Variants in CNTNAP2 observed in about 807,000 individuals in gnomAD.
CNTNAP2 encodes contactin-associated protein-like 2.
A neutral mutation model predicts 155.2 loss-of-function variants in CNTNAP2; 98 were observed. That is an observed-to-expected ratio of 0.63 (90% CI 0.54 to 0.75). The LOEUF is 0.75. Ranked by LOEUF, CNTNAP2 falls within the 30% of genes least tolerant of loss-of-function variation. The probability of loss-of-function intolerance (pLI) is 0.00; values close to 1 mark genes in which losing one functional copy is unlikely to be tolerated. For synonymous variants in CNTNAP2, 651 were observed against 631.2 expected (o/e 1.03, Z -0.47); for missense variants, 1,727 against 1,688.1 (o/e 1.02, Z -0.40).
chr7:147,862,155 T>C (rs375477064), intron 13 of CNTNAP2, among the ~76,000 whole-genome samples: 65 of 152,288 alleles, frequency 4.3e-4, no homozygotes, highest in Middle Eastern at 3.4e-3. Context: ...CCACATCCTT[T>C]TGGCCTGTCC....
At chr7:146,330,197 T>C (rs1208329298) in intron 1 of CNTNAP2, among the ~76,000 whole-genome samples, 1 of 151,928 alleles carries the variant, frequency 6.6e-6, no homozygotes, top group Non-Finnish European at 1.5e-5. Flanking sequence ...TAATTTTGTA[T>C]TTTTAGTAGA....
At chr7:147,213,583 T>A (rs1044978387) in intron 8 of CNTNAP2, among the ~76,000 whole-genome samples, 1 of 150,284 alleles carries the variant, frequency 6.7e-6, no homozygotes, top group African/African-American at 2.5e-5. Context: ...AAAAAAAAAA[T>A]AACATTGTAT....
At chr7:147,087,757 A>G (rs1173042596) in intron 4 of CNTNAP2, among the ~76,000 whole-genome samples, 1 of 152,102 alleles carries the variant, frequency 6.6e-6, no homozygotes, top group Non-Finnish European at 1.5e-5. Flanking sequence ...TAGGTGGATC[A>G]TATGAGGTCA....
At chr7:148,415,050 G>A in intron 23 of CNTNAP2, 1 of 386,456 alleles carries the variant, frequency 2.6e-6, no homozygotes, top group Non-Finnish European at 4.9e-6. Context: ...TCCCTACACT[G>A]CTGTCCAAAA....
intron 8 of CNTNAP2, among the ~76,000 whole-genome samples, chr7:147,291,668 T>A (rs1242147915): frequency 6.6e-6 from 1 of 152,172 alleles, no homozygotes; most frequent in Non-Finnish European, 1.5e-5. Context: ...AGGGGGATTG[T>A]TGGGTCATAG....
intron 8 of CNTNAP2, among the ~76,000 whole-genome samples, chr7:147,251,774 G>A (rs868368878): frequency 1.3e-5 from 2 of 152,160 alleles, no homozygotes; most frequent in South Asian, 2.1e-4. Context: ...AACCTACTGT[G>A]AACAGAAAAA....
chr7:147,801,780 C>G (rs541903853), intron 13 of CNTNAP2, among the ~76,000 whole-genome samples: 1 of 152,240 alleles, frequency 6.6e-6, no homozygotes, highest in African/African-American at 2.4e-5. Flanking sequence ...ACCCTTCCCC[C>G]CTTTCCATTC....
rs71527812 is a variant in CNTNAP2 at position 147,469,506 on chromosome 7, A to ATTTTTTTTTTTTTTTTTTTTTTTTTTTT, written c.1671-16403_1671-16402insTTTTTTTTTTTTTTTTTTTTTTTTTTTT. On this transcript the variant is annotated intron_variant, in intron 10 of 23. Coordinates refer to ENST00000361727, the MANE Select transcript of CNTNAP2 (RefSeq NM_014141.6). ...CAGAGCACCAGGATGTCAGGCTGCA[A>ATTTTTTTTTTTTTTTTTTTTTTTTTTTT]TTTTTTTTTTTTTTTTTTTTTTTTT... Among the ~76,000 whole-genome samples the ATTTTTTTTTTTTTTTTTTTTTTTTTTTT allele has an allele frequency of 5.1e-4, 40 of 79,124 alleles. 15 individuals carry two copies. Among genetic ancestry groups the ATTTTTTTTTTTTTTTTTTTTTTTTTTTT allele is most frequent in the Non-Finnish European group, 7.8e-4 (33 of 42,350 alleles). 51.9% of individuals were successfully genotyped at this position (79,124 alleles called of 152,430 possible).
chr7:147,517,186 G>C (rs190148025), intron 11 of CNTNAP2, among the ~76,000 whole-genome samples: 1 of 151,906 alleles, frequency 6.6e-6, no homozygotes, highest in Non-Finnish European at 1.5e-5. Flanking sequence ...TAATGAATTC[G>C]ATTAAGATTT....
At chr7:147,741,114 G>T (rs1485143306) in intron 13 of CNTNAP2, among the ~76,000 whole-genome samples, 2 of 152,238 alleles carry the variant, frequency 1.3e-5, no homozygotes, top group African/African-American at 4.8e-5. Flanking sequence ...GCCATTGGAA[G>T]CTTTCCAAGG....
At chr7:147,483,558 A>G (rs1214229540) in intron 10 of CNTNAP2, among the ~76,000 whole-genome samples, 1 of 152,200 alleles carries the variant, frequency 6.6e-6, no homozygotes, top group Non-Finnish European at 1.5e-5. Flanking sequence ...TCTGCTACTT[A>G]GTACCCTTCT....
chr7:147,022,517 A>T (rs1798834097), intron 3 of CNTNAP2, among the ~76,000 whole-genome samples: 1 of 152,044 alleles, frequency 6.6e-6, no homozygotes, highest in Non-Finnish European at 1.5e-5. Context: ...TGTACTCTAT[A>T]TACACATATA....
intron 21 of CNTNAP2, among the ~76,000 whole-genome samples, chr7:148,281,380 T>C (rs77116138): frequency 0.058 from 8,807 of 152,276 alleles, 339 homozygotes; most frequent in African/African-American, 0.11. Context: ...AATGAACAAA[T>C]GGCAAATAGT....
chr7:147,902,709 C>T (rs1392016459), intron 13 of CNTNAP2, among the ~76,000 whole-genome samples: 1 of 151,900 alleles, frequency 6.6e-6, no homozygotes, highest in East Asian at 1.9e-4. Flanking sequence ...TCTTCAGTCC[C>T]ATCCAGGTTG....
Position 148,147,560 on chromosome 7 carries a change from C to A in CNTNAP2, c.2624C>A (p.Thr875Asn). 6.2e-7 allele frequency: 1 copy of A among 1,614,112 alleles called. No homozygotes were observed. Among genetic ancestry groups the A allele is most frequent in the East Asian group, 2.2e-5 (1 of 44,858 alleles). Residue 875 changes from threonine to asparagine, a missense_variant, in exon 17 of 24, where the codon ACC becomes AAC. Transcript: ENST00000361727. ...GPVEIVVRSP[T>N]PLNDDQWHRV... The stretch of plus-strand genomic sequence containing the variant: ...GTAGAGATTGTAGTGAGGTCACCAA[C>A]CCCTCTCAACGATGACCAGTGGCAC...
chr7:147,980,415 C>T (rs1219856563), intron 15 of CNTNAP2, among the ~76,000 whole-genome samples: 6 of 152,120 alleles, frequency 3.9e-5, no homozygotes, highest in Non-Finnish European at 5.9e-5. Flanking sequence ...CTTATAATTA[C>T]TGTAACTTCA....
chr7:147,828,263 A>G (rs1206567325), intron 13 of CNTNAP2, among the ~76,000 whole-genome samples: 1 of 152,170 alleles, frequency 6.6e-6, no homozygotes, highest in Non-Finnish European at 1.5e-5. Flanking sequence ...AGGTTAATAC[A>G]GATTGTAGGG....
chr7:146,961,851 G>A (rs1292523088), intron 3 of CNTNAP2, among the ~76,000 whole-genome samples: 2 of 152,148 alleles, frequency 1.3e-5, no homozygotes, highest in Non-Finnish European at 2.9e-5. Context: ...TGGGGAATGA[G>A]CTAAATTTGA....
intron 9 of CNTNAP2, among the ~76,000 whole-genome samples, chr7:147,318,038 C>A (rs1455909259): frequency 8.6e-5 from 13 of 151,732 alleles, no homozygotes; most frequent in Non-Finnish European, 1.3e-4. Context: ...TTTCTTTTTT[C>A]GTTAAAATTT....
Sources: allele counts gnomAD v4.1 joint callset (sites outside exome capture counted in the v4.1 genomes callset), GRCh38; gene constraint gnomAD v4.1.1; transcripts MANE v1.5; gene names NCBI Gene and HGNC (gene_info 2026-07-23, HGNC 2026-07-21).